Variants in BSPRY observed in about 807,000 individuals in gnomAD.
The protein encoded by BSPRY is B-box and SPRY domain containing.
BSPRY carries 33 observed loss-of-function variants against 38.0 expected under a neutral mutation model. That is an observed-to-expected ratio of 0.87 (90% CI 0.66 to 1.16). The LOEUF is 1.16. Among genes scored for constraint, BSPRY ranks in the 50% most tolerant of loss-of-function variants. The probability of loss-of-function intolerance (pLI) is 0.00; values close to 1 mark genes in which losing one functional copy is unlikely to be tolerated. For missense variants in BSPRY, 523 were observed against 533.2 expected (o/e 0.98, Z 0.19); for synonymous variants, 224 against 228.5 (o/e 0.98, Z 0.18).
intron 1 of BSPRY, among the ~76,000 whole-genome samples, chr9:113,352,363 CAG>C (rs1040691539): frequency 2.0e-5 from 3 of 152,038 alleles, no homozygotes; most frequent in Admixed American, 6.6e-5. Flanking sequence ...AATATATAGT[CAG>C]AGAGTTATAA....
rs907078192 is a variant in BSPRY, at chr9:113,357,942, A to C, written c.301-2565A>C. Among the ~76,000 whole-genome samples the C allele has an allele frequency of 1.8e-3, 132 of 74,134 alleles. 2 individuals are homozygous for C. The highest frequency in any genetic ancestry group is 5.9e-3 in the South Asian group (14 of 2,376). The allele number at this position is 74,134 out of a possible 152,430, so 48.6% of individuals were successfully genotyped here. A position where few individuals can be genotyped will look rare whatever the true frequency, so the allele number is the denominator to read the frequency against. ...TATATATATATATATATATATATAT[A>C]TCTCTATTAAGCTTATTCATTGGGC... On this transcript the variant is annotated intron_variant, in intron 2 of 5. Transcript: ENST00000374183.
chr9:113,350,881 A>G (rs1833960271), intron 1 of BSPRY, among the ~76,000 whole-genome samples: 1 of 152,138 alleles, frequency 6.6e-6, no homozygotes, highest in Non-Finnish European at 1.5e-5. Context: ...GCAAACTCCA[A>G]AGTACTTAAA....
chr9:113,357,908 A>G (rs376472852), intron 2 of BSPRY, among the ~76,000 whole-genome samples: 1 of 14,356 alleles, frequency 7.0e-5, no homozygotes, highest in Admixed American at 9.0e-4. Context: ...ATATATATAT[A>G]TATATATATA....
At chr9:113,354,692 T>C (rs1346408083) in intron 2 of BSPRY, among the ~76,000 whole-genome samples, 2 of 152,166 alleles carry the variant, frequency 1.3e-5, no homozygotes, top group African/African-American at 4.8e-5. Flanking sequence ...ATGAAGTAGA[T>C]AGCAGTAACA....
chr9:113,370,626 T>C lies in BSPRY; in HGVS notation c.*484T>C, dbSNP rs1257362379. 1.3e-5 allele frequency: 2 copies of C among 152,930 alleles called. No homozygotes were observed. The highest frequency in any genetic ancestry group is 2.1e-4 in the South Asian group (1 of 4,842). The allele number at this position is 152,930 out of a possible 1,614,324, so 9.5% of individuals were successfully genotyped here. ...TGTCTCTGGCATCTAGCATGGTGCCTGGTGCATAGTGAGCATGCAATAAAT... is the reference window on the plus strand; with the variant it reads ...TGTCTCTGGCATCTAGCATGGTGCCCGGTGCATAGTGAGCATGCAATAAAT... On this transcript the variant is annotated 3_prime_UTR_variant, in exon 6 of 6. Transcript: ENST00000374183. This position sits in a 1 kb window ranked among gnomAD's most constrained non-coding sequence, Gnocchi z 4.8.
intron 2 of BSPRY, among the ~76,000 whole-genome samples, chr9:113,355,904 C>T (rs1366710766): frequency 6.6e-6 from 1 of 152,168 alleles, no homozygotes; most frequent in Non-Finnish European, 1.5e-5. Context: ...GCGTGAGCCA[C>T]TGTGCCTGGC....
intron 1 of BSPRY, among the ~76,000 whole-genome samples, chr9:113,351,328 C>T (rs1322290394): frequency 6.6e-6 from 1 of 152,156 alleles, no homozygotes; most frequent in Non-Finnish European, 1.5e-5. Flanking sequence ...TTTGCACATT[C>T]CTTCCTCTAT....
chr9:113,349,797 G>T lies in BSPRY; in HGVS notation c.201+17G>T, dbSNP rs1330311179. ...GAGCTGCGGGTGAGCGGGTGTGGGC[G>T]CCGGAAGGCGAGGGCTCCGGAGACC... On this transcript the variant is annotated intron_variant, in intron 1 of 5. Coordinates refer to ENST00000374183, the MANE Select transcript of BSPRY (RefSeq NM_017688.3). The T allele has an allele frequency of 3.3e-6, 4 of 1,225,360 alleles. No homozygotes were observed. Among genetic ancestry groups the T allele is most frequent in the Non-Finnish European group, 4.1e-6 (4 of 983,908 alleles). The allele number at this position is 1,225,360 out of a possible 1,614,324, so 75.9% of individuals were successfully genotyped here. A position where few individuals can be genotyped will look rare whatever the true frequency, so the allele number is the denominator to read the frequency against.
intron 2 of BSPRY, 86 bp from the exon 3 acceptor site, chr9:113,360,421 A>G: frequency 7.9e-7 from 1 of 1,268,432 alleles, no homozygotes; most frequent in South Asian, 1.4e-5. Context: ...CAATCTCAAC[A>G]CTCCTTTCCA....
At chr9:113,352,207 TGTTC>T (rs574571741) in intron 1 of BSPRY, among the ~76,000 whole-genome samples, 126 of 152,216 alleles carry the variant, frequency 8.3e-4, no homozygotes, top group African/African-American at 2.9e-3. Flanking sequence ...AGGCAGTGGG[TGTTC>T]GTTCATTCAA....
In BSPRY at chr9:113,360,654, T is replaced by C; in HGVS notation, c.448T>C (p.Trp150Arg). The change falls in exon 3 of 6, where the codon TGG becomes CGG. Residue 150 changes from tryptophan to arginine, a missense_variant. Coordinates refer to ENST00000374183, the MANE Select transcript of BSPRY (RefSeq NM_017688.3). ...HQSILTQRVH[W>R]AEALQKLDTI... The stretch of plus-strand genomic sequence containing the variant: ...GAGCATCCTGACACAGCGGGTGCAC[T>C]GGGCCGAGGCGCTGCAGAAACTTGA... 1 of 1,609,080 alleles carries C rather than the reference T, an allele frequency of 6.2e-7. No individual in the cohort carries two copies. The highest frequency in any genetic ancestry group is 8.5e-7 in the Non-Finnish European group (1 of 1,178,714).
At position 113,360,655 on chromosome 9, in the gene BSPRY, G is replaced by A. The variant is rs1352000263; in HGVS notation, c.449G>A (p.Trp150Ter). The change falls in exon 3 of 6, where the codon TGG becomes TAG. Residue 150 changes from tryptophan to a stop codon, truncating the protein, a stop_gained. Transcript: ENST00000374183. LOFTEE classifies it high-confidence loss of function. ...AGCATCCTGACACAGCGGGTGCACT[G>A]GGCCGAGGCGCTGCAGAAACTTGAC... ...HQSILTQRVH[W>*]AEALQKLDTI... 5 of 1,608,722 alleles carry A rather than the reference G, an allele frequency of 3.1e-6. No homozygotes were observed. In the African/African-American group the frequency reaches 5.3e-5, roughly 17 times the overall value.
chr9:113,369,648 G>A lies in BSPRY; in HGVS notation c.715G>A (p.Val239Ile). ...GGACATACGGATCGATGAGAGGACA[G>A]TCAGCCCCTTCCTGCAATTGTCAGA... ...TEDIRIDERT[V>I]SPFLQLSDDR... The change falls in exon 6 of 6, where the codon GTC (valine) becomes ATC (isoleucine). Residue 239 changes from valine to isoleucine, a missense_variant. Val to Ile is a conservative substitution (Grantham distance 29). Coordinates refer to ENST00000374183, the MANE Select transcript of BSPRY (RefSeq NM_017688.3). 1.2e-6 allele frequency: 2 copies of A among 1,614,004 alleles called. No homozygotes were observed. The highest frequency in any genetic ancestry group is 2.2e-5 in the East Asian group (1 of 44,882).
At chr9:113,353,420 C>T (rs7025187) in intron 1 of BSPRY, among the ~76,000 whole-genome samples, 82,609 of 151,268 alleles carry the variant, frequency 0.55, 22,821 homozygotes, top group South Asian at 0.64. Flanking sequence ...AAGAAACAAA[C>T]GCCTGGGTGC....
At chr9:113,366,411 G>C (rs1834252937) in intron 4 of BSPRY, among the ~76,000 whole-genome samples, 1 of 152,214 alleles carries the variant, frequency 6.6e-6, no homozygotes, top group Non-Finnish European at 1.5e-5. Context: ...TCACTTATCT[G>C]AGAAGTGCCT....
chr9:113,359,872 T>TA (rs759158777), intron 2 of BSPRY, among the ~76,000 whole-genome samples: 7 of 145,028 alleles, frequency 4.8e-5, no homozygotes, highest in African/African-American at 1.1e-4. Flanking sequence ...CCATCTCTAT[T>TA]AAAAAAAATT....
chr9:113,369,228 C>T (rs3789253), intron 5 of BSPRY, among the ~76,000 whole-genome samples: 6 of 152,086 alleles, frequency 3.9e-5, no homozygotes, highest in African/African-American at 2.4e-5. Context: ...ATCAGTGCTA[C>T]GTATAGGAAC....
At chr9:113,364,102 CTT>C (rs2118924810) in intron 4 of BSPRY, among the ~76,000 whole-genome samples, 1 of 152,062 alleles carries the variant, frequency 6.6e-6, no homozygotes, top group East Asian at 1.9e-4. Context: ...AAGAGGATCA[CTT>C]GAGCCCAGGA....
chr9:113,360,789 C>T, intron 3 of BSPRY, 52 bp downstream of exon 3: 1 of 1,410,884 alleles, frequency 7.1e-7, no homozygotes, highest in Non-Finnish European at 9.8e-7. Context: ...TCCCCAAAAG[C>T]CTGAAAATAT....
Sources: gnomAD v4.1 joint callset for allele counts (sites outside exome capture counted in the v4.1 genomes callset) on GRCh38, gnomAD v4.1.1 for gene constraint, Gnocchi (gnomAD v3.1) non-coding constraint, MANE v1.5 for transcripts, NCBI Gene and HGNC (gene_info 2026-07-23, HGNC 2026-07-21) for gene names.